The following FBN1 variants were observed in gnomAD, a reference collection of about 807,000 sequenced individuals.
The protein encoded by FBN1 is fibrillin 1.
FBN1 carries 29 observed loss-of-function variants against 365.1 expected under a neutral mutation model. The ratio of observed to expected loss-of-function variants is 0.08; its 90% CI spans 0.06 to 0.11. FBN1 has a LOEUF of 0.11. Ranked by LOEUF, FBN1 falls within the 10% of genes least tolerant of loss-of-function variation. FBN1 has a pLI of 1.00. For synonymous variants in FBN1, 1,210 were observed against 1,270.5 expected (o/e 0.95, Z 1.01); for missense variants, 2,476 against 3,703.2 (o/e 0.67, Z 8.60).
intron 5 of FBN1, among the ~76,000 whole-genome samples, chr15:48,599,227 A>G (rs978041924): frequency 7.2e-5 from 11 of 152,204 alleles, no homozygotes; most frequent in African/African-American, 2.4e-4. Context: ...ACACAAAAGC[A>G]AAAATTAGAA....
At chr15:48,514,174 A>G (rs1014487452) in intron 12 of FBN1, among the ~76,000 whole-genome samples, 1 of 152,216 alleles carries the variant, frequency 6.6e-6, no homozygotes, top group Non-Finnish European at 1.5e-5. Context: ...GATGTGTTCA[A>G]TACACAGGCT....
chr15:48,555,823 GTTAA>G (rs2044175613), intron 6 of FBN1, among the ~76,000 whole-genome samples: 1 of 152,142 alleles, frequency 6.6e-6, no homozygotes, highest in Admixed American at 6.5e-5. Flanking sequence ...AATTAGACAA[GTTAA>G]TTAATTCTCC....
intron 25 of FBN1, 149 bp from the exon 26 acceptor site, chr15:48,488,642 G>A: frequency 1.2e-6 from 1 of 866,478 alleles, no homozygotes; most frequent in Non-Finnish European, 1.8e-6. Flanking sequence ...GATGATCCAT[G>A]AGATATATGA....
chr15:48,566,317 T>G (rs2044258440), intron 6 of FBN1, among the ~76,000 whole-genome samples: 1 of 152,246 alleles, frequency 6.6e-6, no homozygotes, highest in South Asian at 2.1e-4. Context: ...CATTTCAACT[T>G]GGCTGAAATT....
intron 2 of FBN1, among the ~76,000 whole-genome samples, chr15:48,631,823 C>T (rs151013463): frequency 6.8e-4 from 103 of 152,306 alleles, no homozygotes; most frequent in African/African-American, 2.4e-3. Flanking sequence ...TCAAGAATAG[C>T]GCACCACCTT....
At chr15:48,613,666 G>A (rs1414594051) in intron 2 of FBN1, among the ~76,000 whole-genome samples, 2 of 152,126 alleles carry the variant, frequency 1.3e-5, no homozygotes, top group Non-Finnish European at 2.9e-5. Flanking sequence ...GGTGGCTCAC[G>A]CCTGTAATCC....
At chr15:48,512,978 A>C (rs2043773083) in intron 13 of FBN1, among the ~76,000 whole-genome samples, 2 of 152,184 alleles carry the variant, frequency 1.3e-5, no homozygotes, top group South Asian at 4.1e-4. Flanking sequence ...GAAATTTTTT[A>C]TGAGGGGACA....
intron 6 of FBN1, among the ~76,000 whole-genome samples, chr15:48,564,802 T>G (rs2044247901): frequency 6.6e-6 from 1 of 152,128 alleles, no homozygotes; most frequent in African/African-American, 2.4e-5. Flanking sequence ...CGTGGAAGAA[T>G]AACTGCAGAA....
rs182510757 is a variant in FBN1 at position 48,569,306 on chromosome 15, A to G, written c.538+26977T>C. ...ATCCACTAGAATGGTTATAATGAAAAAGAAAGACAGTAAAATAGTTGTGAG... is the reference window on the plus strand; with the variant it reads ...ATCCACTAGAATGGTTATAATGAAAGAGAAAGACAGTAAAATAGTTGTGAG... On this transcript the variant is annotated intron_variant, in intron 6 of 65. Transcript: ENST00000316623. Among the ~76,000 whole-genome samples, 452 of 152,260 alleles carry G rather than the reference A, an allele frequency of 3.0e-3. 3 individuals are homozygous for G. The highest frequency in any genetic ancestry group is 0.011 in the African/African-American group (437 of 41,580).
chr15:48,629,881 A>T (rs1371400084), intron 2 of FBN1, among the ~76,000 whole-genome samples: 1 of 152,192 alleles, frequency 6.6e-6, no homozygotes, highest in Non-Finnish European at 1.5e-5. Context: ...GTTTTCGTTC[A>T]CTTGAAGAAC....
intron 6 of FBN1, among the ~76,000 whole-genome samples, chr15:48,567,019 C>A (rs965567885): frequency 2.0e-5 from 3 of 152,172 alleles, no homozygotes; most frequent in African/African-American, 7.2e-5. Context: ...CTGCCCCCAA[C>A]CTGCCAAATC....
At chr15:48,575,081 G>A (rs1045776498) in intron 6 of FBN1, among the ~76,000 whole-genome samples, 6 of 152,198 alleles carry the variant, frequency 3.9e-5, no homozygotes, top group South Asian at 2.1e-4. Context: ...AATAGTTCAC[G>A]TGTGACACGA....
chr15:48,410,848 A>C lies in FBN1; in HGVS notation c.*142T>G, dbSNP rs1374799445. 2 of 840,820 alleles carry C rather than the reference A, an allele frequency of 2.4e-6. No homozygotes were observed. The highest frequency in any genetic ancestry group is 2.7e-5 in the East Asian group (1 of 37,630). The allele number at this position is 840,820 out of a possible 1,614,324, so 52.1% of individuals were successfully genotyped here. On this transcript the variant is annotated 3_prime_UTR_variant, in exon 66 of 66. Transcript: ENST00000316623. ...GTAGTCACCTGTACCTTGCTTTGGT[A>C]ATACAAAGAATAGTGCTTATTTATA...
chr15:48,563,930 G>C (rs2044241902), intron 6 of FBN1, among the ~76,000 whole-genome samples: 1 of 152,146 alleles, frequency 6.6e-6, no homozygotes, highest in African/African-American at 2.4e-5. Context: ...AATGAGACTT[G>C]GAGATGAAGT....
intron 10 of FBN1, among the ~76,000 whole-genome samples, chr15:48,518,759 T>C (rs2043826455): frequency 6.6e-6 from 1 of 152,154 alleles, no homozygotes; most frequent in African/African-American, 2.4e-5. Flanking sequence ...TTTTAAAGAG[T>C]GAAAAGCTGG....
chr15:48,598,724 C>T (rs568780590), intron 5 of FBN1, among the ~76,000 whole-genome samples: 22 of 152,286 alleles, frequency 1.4e-4, no homozygotes, highest in Non-Finnish European at 2.2e-4. Context: ...ACCCACACTG[C>T]GGAGGCTGCC....
intron 13 of FBN1, among the ~76,000 whole-genome samples, chr15:48,513,128 G>A (rs2043774204): frequency 6.6e-6 from 1 of 152,118 alleles, no homozygotes; most frequent in South Asian, 2.1e-4. Context: ...TGCTGTTGCT[G>A]ACCACACTAA....
At chr15:48,599,264 G>A (rs1277971056) in intron 5 of FBN1, among the ~76,000 whole-genome samples, 2 of 151,936 alleles carry the variant, frequency 1.3e-5, no homozygotes, top group African/African-American at 2.4e-5. Flanking sequence ...CCACCATTGA[G>A]GATTCATTAA....
chr15:48,588,148 C>A (rs2044450691), intron 6 of FBN1, among the ~76,000 whole-genome samples: 1 of 152,000 alleles, frequency 6.6e-6, no homozygotes, highest in South Asian at 2.1e-4. Flanking sequence ...CTGGTCCAAA[C>A]TGAGATGTGG....
Sources: allele counts gnomAD v4.1 joint callset (sites outside exome capture counted in the v4.1 genomes callset), GRCh38; gene constraint gnomAD v4.1.1; transcripts MANE v1.5; gene names NCBI Gene and HGNC (gene_info 2026-07-23, HGNC 2026-07-21).